The following ASTN1 variants were observed in gnomAD, a reference collection of about 807,000 sequenced individuals.
The protein encoded by ASTN1 is astrotactin 1.
Under a neutral mutation model 140.7 loss-of-function variants are expected in ASTN1, and 41 were observed. That is an observed-to-expected ratio of 0.29 (90% confidence interval 0.23 to 0.38). ASTN1 has a LOEUF of 0.38. Ranked by LOEUF, ASTN1 falls within the 10% of genes least tolerant of loss-of-function variation. The pLI is 1.00. For synonymous variants in ASTN1, 640 were observed against 652.2 expected (o/e 0.98, Z 0.29); for missense variants, 1,479 against 1,678.8 (o/e 0.88, Z 2.08).
At chr1:176,994,252 TCAAA>T (rs1259560281) in intron 8 of ASTN1, among the ~76,000 whole-genome samples, 2 of 152,282 alleles carry the variant, frequency 1.3e-5, no homozygotes, top group Admixed American at 6.5e-5. Context: ...CCTGTGGATC[TCAAA>T]CAGTCTTCTT....
At chr1:176,943,613 C>T (rs1671832435) in intron 14 of ASTN1, among the ~76,000 whole-genome samples, 1 of 152,114 alleles carries the variant, frequency 6.6e-6, no homozygotes, top group African/African-American at 2.4e-5. Flanking sequence ...CCCAAGAACT[C>T]TAAGCAACCA....
intron 16 of ASTN1, among the ~76,000 whole-genome samples, chr1:176,929,281 A>T (rs1671102122): frequency 6.6e-6 from 1 of 152,232 alleles, no homozygotes; most frequent in African/African-American, 2.4e-5. Context: ...ATCTTGAATT[A>T]TCTGGGTGGA....
In ASTN1 at chr1:176,868,906, A is replaced by G. The variant is rs761271632; in HGVS notation, c.3585T>C (p.Tyr1195=). 1.2e-6 allele frequency: 2 copies of G among 1,611,986 alleles called. No homozygotes were observed. The highest frequency in any genetic ancestry group is 1.1e-5 in the South Asian group (1 of 90,756). The change falls in exon 22 of 23, where the codon TAT becomes TAC. Residue 1195 remains tyrosine, a synonymous_variant. Coordinates refer to ENST00000361833, the MANE Select transcript of ASTN1 (RefSeq NM_004319.3). ...SPTLHRVLYH[Y]NQHYESFGEF... is the part of the protein sequence containing the mutation. Reference sequence around the variant, plus strand: ...CCCCAAAACTCTCATAGTGCTGGTTATAGTGGTAGAGGACCCGGTGTAAGG... The same window carrying G: ...CCCCAAAACTCTCATAGTGCTGGTTGTAGTGGTAGAGGACCCGGTGTAAGG...
At chr1:177,152,816 G>A (rs967472027) in intron 1 of ASTN1, among the ~76,000 whole-genome samples, 9 of 152,212 alleles carry the variant, frequency 5.9e-5, no homozygotes, top group African/African-American at 2.2e-4. Context: ...AGCCCTATGA[G>A]ATATGAAAAC....
At chr1:176,870,430 T>C (rs924567276) in intron 21 of ASTN1, among the ~76,000 whole-genome samples, 2 of 152,218 alleles carry the variant, frequency 1.3e-5, no homozygotes, top group Admixed American at 1.3e-4. Context: ...AGTTTCTACC[T>C]CTATCCTGCC....
Position 176,862,454 on chromosome 1 carries a change from A to G in ASTN1, c.*1830T>C, listed in dbSNP as rs116110803. The G allele has an allele frequency of 1.4e-3, 1,379 of 985,428 alleles. 20 individuals are homozygous for G. In the African/African-American group the frequency reaches 0.023, roughly 16 times the overall value. 61.0% of individuals were successfully genotyped at this position (985,428 alleles called of 1,614,324 possible). ...TTCGCCCCTCCTCCTTCCACTGCAC[A>G]GAGGACATGTCCATGCCACAGATGC... On this transcript the variant is annotated 3_prime_UTR_variant, in exon 23 of 23. Transcript: ENST00000361833.
intron 22 of ASTN1, among the ~76,000 whole-genome samples, chr1:176,865,977 C>G (rs577245953): frequency 6.6e-6 from 1 of 152,166 alleles, no homozygotes; most frequent in Non-Finnish European, 1.5e-5. Context: ...GATTCAATTA[C>G]CTCCCCTGAG....
chr1:176,857,347 A>C, downstream of ASTN1: 1 of 385,618 alleles, frequency 2.6e-6, no homozygotes, highest in South Asian at 1.4e-4. Context: ...ATATTAATCA[A>C]GACCTAGTCA....
At chr1:176,918,900 C>T (rs1670611099) in intron 16 of ASTN1, among the ~76,000 whole-genome samples, 1 of 152,146 alleles carries the variant, frequency 6.6e-6, no homozygotes, top group Admixed American at 6.5e-5. Context: ...CTGCCCCAAC[C>T]CCACCAGCCT....
chr1:177,113,270 C>G (rs923876300), intron 1 of ASTN1, among the ~76,000 whole-genome samples: 1 of 152,310 alleles, frequency 6.6e-6, no homozygotes, highest in East Asian at 1.9e-4. Context: ...AGCTTCCATA[C>G]AGCAGGAAAG....
intron 2 of ASTN1, among the ~76,000 whole-genome samples, chr1:177,034,212 C>T (rs1191689414): frequency 6.7e-6 from 1 of 150,178 alleles, no homozygotes; most frequent in Non-Finnish European, 1.5e-5. Flanking sequence ...TCCTATTTAT[C>T]CTCCCCCTCT....
At chr1:177,082,721 T>C (rs1679238548) in intron 1 of ASTN1, among the ~76,000 whole-genome samples, 2 of 152,156 alleles carry the variant, frequency 1.3e-5, no homozygotes, top group Admixed American at 6.6e-5. Context: ...ACTGGCCCCT[T>C]GCATTAAATA....
chr1:176,923,002 C>A (rs1297102455), intron 16 of ASTN1, among the ~76,000 whole-genome samples: 1 of 152,048 alleles, frequency 6.6e-6, no homozygotes, highest in African/African-American at 2.4e-5. Context: ...CTGGTACAAC[C>A]TTTTAATATA....
rs576498931 is a variant in ASTN1, at chr1:177,023,241, C to T, written c.1438+163G>A. ...TGCCAGAAAATGACCACAGTTTTAG[C>T]CAATAAGCTCTGCGGCCCAACCACA... On this transcript the variant is annotated intron_variant, in intron 7 of 22. Coordinates refer to ENST00000361833, the MANE Select transcript of ASTN1 (RefSeq NM_004319.3). 1,085 of 862,326 alleles carry T rather than the reference C, an allele frequency of 1.3e-3. 12 individuals are homozygous for T. The South Asian group carries it at 0.013, about 10-fold the overall frequency. The allele number at this position is 862,326 out of a possible 1,614,324, so 53.4% of individuals were successfully genotyped here. A position where few individuals can be genotyped will look rare whatever the true frequency, so the allele number is the denominator to read the frequency against.
chr1:176,945,871 T>C, intron 13 of ASTN1, 55 bp downstream of exon 13: 12 of 1,511,560 alleles, frequency 7.9e-6, no homozygotes, highest in Non-Finnish European at 1.1e-5. Flanking sequence ...GCAAACTCTT[T>C]AGAGAAAGTC....
intron 1 of ASTN1, among the ~76,000 whole-genome samples, chr1:177,084,422 C>G (rs72720721): frequency 6.0e-4 from 92 of 152,300 alleles, no homozygotes; most frequent in Non-Finnish European, 1.2e-3. Context: ...GAGAAAATCT[C>G]CAGAGTGGAT....
intron 16 of ASTN1, among the ~76,000 whole-genome samples, chr1:176,916,466 A>G (rs994220722): frequency 6.6e-6 from 1 of 152,128 alleles, no homozygotes; most frequent in Non-Finnish European, 1.5e-5. Context: ...AGATCTCTAC[A>G]TTCTTACTTT....
At chr1:176,874,439 C>T (rs531459697) in intron 21 of ASTN1, among the ~76,000 whole-genome samples, 2 of 152,210 alleles carry the variant, frequency 1.3e-5, no homozygotes, top group Non-Finnish European at 2.9e-5. Context: ...GGAAGGGCTT[C>T]AGTCTTTGAC....
chr1:176,893,779 TTTG>T (rs1669371351), intron 17 of ASTN1, among the ~76,000 whole-genome samples: 3 of 152,108 alleles, frequency 2.0e-5, no homozygotes, highest in South Asian at 2.1e-4. Flanking sequence ...TGTTTTTACT[TTTG>T]TTGTTGTTGC....
Sources: allele counts gnomAD v4.1 joint callset (sites outside exome capture counted in the v4.1 genomes callset), GRCh38; gene constraint gnomAD v4.1.1; transcripts MANE v1.5; gene names NCBI Gene and HGNC (gene_info 2026-07-23, HGNC 2026-07-21).